The following RAI2 variants were observed in gnomAD, a reference collection of about 807,000 sequenced individuals.
The protein encoded by RAI2 is retinoic acid-induced protein 2.
A neutral mutation model predicts 15.3 loss-of-function variants in RAI2; 5 were observed. The observed-to-expected ratio is 0.33, with a 90% CI of 0.17 to 0.69. The LOEUF (loss-of-function observed/expected upper bound fraction) is 0.69. RAI2 is among the 30% of genes least tolerant of loss of function. The probability of loss-of-function intolerance (pLI) is 0.69; values close to 1 mark genes in which losing one functional copy is unlikely to be tolerated. For synonymous variants in RAI2, 191 were observed against 184.0 expected, an observed-to-expected ratio of 1.04 and a Z score of -0.31; for missense variants, 424 against 424.7, an observed-to-expected ratio of 1.00 and a Z score of 0.01.
intron 1 of RAI2, among the ~76,000 whole-genome samples, chrX:17,848,028 T>C (rs913236173): frequency 8.9e-6 from 1 of 112,135 alleles, no homozygotes; most frequent in Non-Finnish European, 1.9e-5. Flanking sequence ...TCTATAATAA[T>C]GCAAAAGAGG....
chrX:17,835,145 C>T (rs2067320624), intron 1 of RAI2, among the ~76,000 whole-genome samples: 1 of 111,967 alleles, frequency 8.9e-6, no homozygotes, highest in Admixed American at 9.4e-5. Context: ...CATTAAGGCG[C>T]CCATACGCTA....
intron 1 of RAI2, among the ~76,000 whole-genome samples, chrX:17,853,076 G>A (rs995900921): frequency 9.0e-6 from 1 of 111,112 alleles, no homozygotes; most frequent in East Asian, 2.8e-4. Flanking sequence ...GAAGATGCCT[G>A]CTGACTTTGA....
chrX:17,802,000 A>G lies in RAI2; in HGVS notation c.11T>C (p.Leu4Pro), dbSNP rs764621001. The G allele has an allele frequency of 3.5e-5, 42 of 1,195,640 alleles. No homozygotes were observed. Among genetic ancestry groups the G allele is most frequent in the Non-Finnish European group, 2.6e-5 (23 of 885,493 alleles). Residue 4 changes from leucine (L) to proline (P), a missense_variant, in exon 2 of 2, where the codon CTG (leucine) becomes CCG (proline). Leu to Pro is a moderately conservative substitution (Grantham distance 98, BLOSUM62 -3). Coordinates refer to ENST00000451717, the MANE Select transcript of RAI2 (RefSeq NM_021785.6). Reference sequence around the variant, plus strand: ...GTCCATGGAGAGGTTCTGGGACTGCAGGTCGTCCATCACTCAGCTCTGATG... The same window carrying G: ...GTCCATGGAGAGGTTCTGGGACTGCGGGTCGTCCATCACTCAGCTCTGATG... Reference protein sequence around the residue: MDDLQSQNLSMDMT... With the variant: MDDPQSQNLSMDMT...
At chrX:17,806,380 A>C (rs1313779625) in intron 1 of RAI2, among the ~76,000 whole-genome samples, 1 of 112,463 alleles carries the variant, frequency 8.9e-6, no homozygotes, top group East Asian at 2.8e-4. Flanking sequence ...AAATGGGTTT[A>C]AATGAGGGCA....
At chrX:17,831,958 A>G (rs922804468) in intron 1 of RAI2, among the ~76,000 whole-genome samples, 3 of 111,960 alleles carry the variant, frequency 2.7e-5, no homozygotes, top group Non-Finnish European at 5.6e-5. Context: ...AATTTTCCCA[A>G]TTAAAGCACT....
In RAI2 at chrX:17,801,202, G is replaced by C; in HGVS notation, c.809C>G (p.Ser270Cys). 1 of 1,211,388 alleles carries C rather than the reference G, an allele frequency of 8.3e-7. No individual in the cohort carries two copies. Among genetic ancestry groups the C allele is most frequent in the Non-Finnish European group, 1.1e-6 (1 of 895,230 alleles). The change falls in exon 2 of 2, where the codon TCC (serine) becomes TGC (cysteine). Residue 270 changes from serine (S) to cysteine (C), a missense_variant. By Grantham distance (112) the Ser-to-Cys change is moderately radical (BLOSUM62 -1). Coordinates refer to ENST00000451717, the MANE Select transcript of RAI2 (RefSeq NM_021785.6). ...GCCTTTAAAGGGGTGCAGGCCGAAG[G>C]AAGATGGTGGCTTGGGGAAACTGGA... ...FSSSFPKPPSSFGLHPFKGTQ... is the reference protein window; with the variant it reads ...FSSSFPKPPSCFGLHPFKGTQ...
Position 17,801,566 on chromosome X carries a change from T to C in RAI2, c.445A>G (p.Ser149Gly). The C allele has an allele frequency of 8.3e-7, 1 of 1,207,986 alleles. No individual in the cohort carries two copies. Among genetic ancestry groups the C allele is most frequent in the Non-Finnish European group, 1.1e-6 (1 of 893,634 alleles). ...TGGAAGAGGTTGTTGTGGATGGTAC[T>C]GGAGGAGCATGGGGCCTCCTGCGGC... ...VLPQEAPCSSSTIHNNLFQGA... is the reference protein window; with the variant it reads ...VLPQEAPCSSGTIHNNLFQGA... The change falls in exon 2 of 2, where the codon AGT (serine) becomes GGT (glycine). Residue 149 changes from serine (S) to glycine (G), a missense_variant. Ser to Gly is a moderately conservative substitution (Grantham distance 56, BLOSUM62 0). Coordinates refer to ENST00000451717, the MANE Select transcript of RAI2 (RefSeq NM_021785.6).
chrX:17,829,967 G>T (rs1163160604), intron 1 of RAI2, among the ~76,000 whole-genome samples: 1 of 112,689 alleles, frequency 8.9e-6, no homozygotes, highest in African/African-American at 3.2e-5. Context: ...TGGCTTCCCA[G>T]AACACAGACA....
chrX:17,840,075 T>A (rs193182358), intron 1 of RAI2, among the ~76,000 whole-genome samples: 1 of 112,657 alleles, frequency 8.9e-6, no homozygotes, highest in East Asian at 2.8e-4. Flanking sequence ...CATGTCTTTG[T>A]TTCAGATATC....
chrX:17,844,698 A>G (rs986189547), intron 1 of RAI2, among the ~76,000 whole-genome samples: 5 of 112,602 alleles, frequency 4.4e-5, no homozygotes, highest in Admixed American at 3.8e-4. Context: ...TGATTTAAAA[A>G]TCCCTGCATG....
At chrX:17,810,957 G>T (rs2067042478) in intron 1 of RAI2, among the ~76,000 whole-genome samples, 1 of 112,400 alleles carries the variant, frequency 8.9e-6, no homozygotes, top group Non-Finnish European at 1.9e-5. Flanking sequence ...CCATTCTGAA[G>T]ATATTAACCA....
At chrX:17,807,192 G>A (rs928152043) in intron 1 of RAI2, among the ~76,000 whole-genome samples, 1 of 111,398 alleles carries the variant, frequency 9.0e-6, no homozygotes, top group African/African-American at 3.3e-5. Flanking sequence ...TCTGACTTAA[G>A]GGGTTCAGCT....
chrX:17,810,214 C>T (rs1358099373), intron 1 of RAI2, among the ~76,000 whole-genome samples: 2 of 112,023 alleles, frequency 1.8e-5, no homozygotes, highest in Non-Finnish European at 3.8e-5. Context: ...GCCTCTGTTT[C>T]ACATTTCAAA....
In RAI2 at chrX:17,826,371, T is replaced by C. The variant is rs1236087312; in HGVS notation, c.-24-24337A>G. On this transcript the variant is annotated intron_variant, in intron 1 of 1. Coordinates refer to ENST00000451717, the MANE Select transcript of RAI2 (RefSeq NM_021785.6). ...CCTATCACATTTGCAAGCTATCTTT[T>C]TTTTTCCTTTGTTTTCTGTTTATAG... 2.7e-5 allele frequency among the ~76,000 whole-genome samples: 3 copies of C among 111,402 alleles called. No individual in the cohort carries two copies. The East Asian group carries it at 8.5e-4, about 31-fold the overall frequency.
At chrX:17,811,663 A>G (rs2067051115) in intron 1 of RAI2, among the ~76,000 whole-genome samples, 1 of 112,033 alleles carries the variant, frequency 8.9e-6, no homozygotes, top group Non-Finnish European at 1.9e-5. Flanking sequence ...ACTGGAAGGA[A>G]GGGGTGCAGA....
At chrX:17,814,906 CTACTT>C (rs1373936047) in intron 1 of RAI2, among the ~76,000 whole-genome samples, 1 of 108,992 alleles carries the variant, frequency 9.2e-6, no homozygotes, top group African/African-American at 3.4e-5. Context: ...TAAATAAACA[CTACTT>C]CACTTCATCA....
intron 1 of RAI2, among the ~76,000 whole-genome samples, chrX:17,832,723 C>T (rs2067296374): frequency 8.9e-6 from 1 of 112,076 alleles, no homozygotes; most frequent in African/African-American, 3.2e-5. Context: ...ACCCCAGGTC[C>T]CCCTGCCTGT....
chrX:17,846,517 G>A (rs2067459054), intron 1 of RAI2, among the ~76,000 whole-genome samples: 2 of 112,276 alleles, frequency 1.8e-5, no homozygotes, highest in East Asian at 2.8e-4. Flanking sequence ...GCGGACTGAA[G>A]GTGCTCCTGG....
intron 1 of RAI2, among the ~76,000 whole-genome samples, chrX:17,828,216 A>T (rs1315710400): frequency 1.8e-5 from 2 of 110,065 alleles, no homozygotes; most frequent in Non-Finnish European, 3.8e-5. Flanking sequence ...AATTAATAAG[A>T]AAGGTGGTAA....
Sources: gnomAD v4.1 joint callset for allele counts (sites outside exome capture counted in the v4.1 genomes callset) on GRCh38, gnomAD v4.1.1 for gene constraint, MANE v1.5 for transcripts, NCBI Gene and HGNC (gene_info 2026-07-23, HGNC 2026-07-21) for gene names.